The following SMG6 variants were observed in gnomAD, a reference collection of about 807,000 sequenced individuals.
The protein encoded by SMG6 is telomerase-binding protein EST1A.
Under a neutral mutation model 142.2 loss-of-function variants are expected in SMG6, and 66 were observed. That is an observed-to-expected ratio of 0.46 (90% CI 0.38 to 0.57). The LOEUF (loss-of-function observed/expected upper bound fraction) is 0.57, where lower values mean the gene tolerates loss of function less well. SMG6 is among the 20% of genes least tolerant of loss of function. The pLI, the probability that SMG6 is intolerant of heterozygous loss-of-function variation, is 0.00. For synonymous variants in SMG6, 779 were observed against 702.4 expected, an observed-to-expected ratio of 1.11 and a Z score of -1.72; for missense variants, 1,793 against 1,832.0, an observed-to-expected ratio of 0.98 and a Z score of 0.39.
At chr17:2,184,144 T>C (rs2151681116) in intron 12 of SMG6, among the ~76,000 whole-genome samples, 2 of 150,540 alleles carry the variant, frequency 1.3e-5, no homozygotes, top group East Asian at 2.0e-4. Flanking sequence ...GGTGGACCAC[T>C]GGAGGGCAGG....
rs1242095068 is a variant in SMG6, at chr17:2,172,781, C to G, written c.3234G>C (p.Leu1078=). The stretch of plus-strand genomic sequence containing the variant: ...TGAGGTCATCATCCGGGTCCTTGTA[C>G]AGTGGCACCTCAGACTGATTCACTG... The part of the protein sequence containing the change: ...LTAVNQSEVP[L]YKDPDDDLTL... Residue 1078 remains leucine (L), a synonymous_variant, in exon 13 of 19, where the codon CTG becomes CTC. Transcript: ENST00000263073. 6.2e-7 allele frequency: 1 copy of G among 1,614,062 alleles called. No homozygotes were observed. Among genetic ancestry groups the G allele is most frequent in the African/African-American group, 1.3e-5 (1 of 74,912 alleles).
intron 13 of SMG6, among the ~76,000 whole-genome samples, chr17:2,113,219 G>C (rs1231311053): frequency 6.6e-6 from 1 of 152,022 alleles, no homozygotes; most frequent in African/African-American, 2.4e-5. Context: ...TAGCATTGCA[G>C]GCGTGTGCCA....
chr17:2,134,776 C>T (rs1394420427), intron 13 of SMG6, among the ~76,000 whole-genome samples: 3 of 152,174 alleles, frequency 2.0e-5, no homozygotes, highest in Non-Finnish European at 4.4e-5. Flanking sequence ...GCTTCTGATG[C>T]TGATTCATTC....
chr17:2,225,213 C>T (rs2073281313), intron 10 of SMG6, among the ~76,000 whole-genome samples: 1 of 151,784 alleles, frequency 6.6e-6, no homozygotes, highest in African/African-American at 2.4e-5. Context: ...CGCAGTGGCT[C>T]ACACCTGTAA....
intron 10 of SMG6, among the ~76,000 whole-genome samples, chr17:2,226,589 A>G (rs1246597484): frequency 6.6e-6 from 1 of 151,176 alleles, no homozygotes; most frequent in Non-Finnish European, 1.5e-5. Flanking sequence ...AAAACAAACA[A>G]ACAAACAAAC....
intron 10 of SMG6, among the ~76,000 whole-genome samples, chr17:2,204,906 T>G (rs888474233): frequency 6.6e-6 from 1 of 152,084 alleles, no homozygotes; most frequent in Non-Finnish European, 1.5e-5. Context: ...AAAGTTGCAG[T>G]GAGCTGAGAT....
intron 13 of SMG6, among the ~76,000 whole-genome samples, chr17:2,128,499 A>T (rs1362155913): frequency 6.6e-6 from 1 of 151,944 alleles, no homozygotes; most frequent in Non-Finnish European, 1.5e-5. Flanking sequence ...AACGGTATTA[A>T]CCTATACGCC....
intron 13 of SMG6, among the ~76,000 whole-genome samples, chr17:2,133,033 C>T (rs1020977037): frequency 4.6e-5 from 7 of 152,030 alleles, no homozygotes; most frequent in African/African-American, 7.2e-5. Flanking sequence ...TTACTTGAGG[C>T]CAGGAGTTTG....
intron 13 of SMG6, among the ~76,000 whole-genome samples, chr17:2,096,411 G>A (rs1161826070): frequency 6.6e-6 from 1 of 152,220 alleles, no homozygotes; most frequent in East Asian, 1.9e-4. Flanking sequence ...GTTTCACCAT[G>A]TTGGCCAGGA....
intron 12 of SMG6, among the ~76,000 whole-genome samples, chr17:2,178,521 C>A (rs766767586): frequency 1.4e-4 from 22 of 152,222 alleles, no homozygotes; most frequent in Non-Finnish European, 2.8e-4. Flanking sequence ...GAAGCTTAGT[C>A]ATCCTGCCCT....
chr17:2,140,761 A>T lies in SMG6; in HGVS notation c.3357+31897T>A, dbSNP rs183072935. On this transcript the variant is annotated intron_variant, in intron 13 of 18. Coordinates refer to ENST00000263073, the MANE Select transcript of SMG6 (RefSeq NM_017575.5). Reference sequence around the variant, plus strand: ...AATATTTAGAAAGTAGTATTCAATTAAAAAAAAAAGCCATTGAAGCTGTCT... The same window carrying T: ...AATATTTAGAAAGTAGTATTCAATTTAAAAAAAAAGCCATTGAAGCTGTCT... 2.8e-3 allele frequency among the ~76,000 whole-genome samples: 409 copies of T among 147,906 alleles called. 6 individuals are homozygous for T. Among genetic ancestry groups the T allele is most frequent in the African/African-American group, 9.0e-3 (364 of 40,478 alleles).
chr17:2,226,536 G>T (rs930730265), intron 10 of SMG6, among the ~76,000 whole-genome samples: 3 of 151,646 alleles, frequency 2.0e-5, no homozygotes, highest in South Asian at 2.1e-4. Flanking sequence ...CCAAGATCAC[G>T]CCATTGCACT....
At chr17:2,266,116 G>A (rs1225138359) in intron 8 of SMG6, 1 of 985,236 alleles carries the variant, frequency 1.0e-6, no homozygotes, top group Non-Finnish European at 1.2e-6. Flanking sequence ...GCCACTCAAA[G>A]TCTTTTACAA....
chr17:2,121,804 A>ATTTTTTG (rs1284301926), intron 13 of SMG6, among the ~76,000 whole-genome samples: 1 of 151,686 alleles, frequency 6.6e-6, no homozygotes, highest in Admixed American at 6.6e-5. Context: ...TTTTGTGGAG[A>ATTTTTTG]TGGGGTTTCG....
At chr17:2,088,239 A>C (rs1030132817) in intron 13 of SMG6, 6 of 985,200 alleles carry the variant, frequency 6.1e-6, no homozygotes, top group Admixed American at 6.1e-5. Context: ...CGTGGCTAAG[A>C]AAGCATGGTT....
intron 8 of SMG6, among the ~76,000 whole-genome samples, chr17:2,249,778 G>C (rs2074007679): frequency 6.6e-6 from 1 of 152,208 alleles, no homozygotes; most frequent in Non-Finnish European, 1.5e-5. Context: ...GTGTATCCCT[G>C]AGAGGTAGTG....
chr17:2,217,032 G>A (rs2073038897), intron 10 of SMG6, among the ~76,000 whole-genome samples: 1 of 152,120 alleles, frequency 6.6e-6, no homozygotes, highest in South Asian at 2.1e-4. Context: ...AATCAGTGGC[G>A]AACACATTAT....
intron 8 of SMG6, among the ~76,000 whole-genome samples, chr17:2,278,580 T>C (rs1369433395): frequency 6.6e-6 from 1 of 152,184 alleles, no homozygotes; most frequent in Non-Finnish European, 1.5e-5. Context: ...AAGTTCCTTT[T>C]AAAACAAAAT....
At chr17:2,109,058 T>C (rs1210961395) in intron 13 of SMG6, among the ~76,000 whole-genome samples, 1 of 152,260 alleles carries the variant, frequency 6.6e-6, no homozygotes, top group Admixed American at 6.5e-5. Context: ...ATTAATTATC[T>C]GGCGTTTTCT....
Sources: allele counts gnomAD v4.1 joint callset (sites outside exome capture counted in the v4.1 genomes callset), GRCh38; gene constraint gnomAD v4.1.1; transcripts MANE v1.5; gene names NCBI Gene and HGNC (gene_info 2026-07-23, HGNC 2026-07-21).